The following SUPT3H variants were observed in gnomAD, a reference collection of about 807,000 sequenced individuals.
SUPT3H encodes transcription initiation protein SPT3 homolog.
Under a neutral mutation model 44.3 loss-of-function variants are expected in SUPT3H, and 44 were observed. The observed-to-expected ratio is 0.99, with a 90% confidence interval of 0.78 to 1.28. SUPT3H has a LOEUF of 1.28. Ranked by LOEUF, SUPT3H falls within the 50% of genes most tolerant of loss-of-function variation. SUPT3H has a pLI of 0.00. For missense variants in SUPT3H, 380 were observed against 387.1 expected (o/e 0.98, Z 0.15); for synonymous variants, 124 against 125.6 (o/e 0.99, Z 0.09).
intron 10 of SUPT3H, among the ~76,000 whole-genome samples, chr6:44,918,028 G>A (rs992384928): frequency 1.3e-5 from 2 of 152,078 alleles, no homozygotes; most frequent in African/African-American, 4.8e-5. Flanking sequence ...GGTAACCTGT[G>A]ACATTAAGTT....
chr6:45,227,883 G>T (rs1024266717), intron 2 of SUPT3H, among the ~76,000 whole-genome samples: 1 of 152,112 alleles, frequency 6.6e-6, no homozygotes, highest in African/African-American at 2.4e-5. Context: ...AGTAAAGCTT[G>T]CTGAGAGTGA....
chr6:45,287,594 G>T (rs1393249516), intron 2 of SUPT3H, among the ~76,000 whole-genome samples: 1 of 152,176 alleles, frequency 6.6e-6, no homozygotes, highest in East Asian at 1.9e-4. Flanking sequence ...AATGCTGTTT[G>T]CCAGGGACTG....
intron 3 of SUPT3H, among the ~76,000 whole-genome samples, chr6:45,092,856 T>C (rs73737880): frequency 1.4e-4 from 21 of 152,208 alleles, no homozygotes; most frequent in Admixed American, 6.5e-4. Flanking sequence ...CATAACAACT[T>C]ACTAGAGAAG....
At chr6:45,288,847 C>T (rs188140668) in intron 2 of SUPT3H, among the ~76,000 whole-genome samples, 1 of 151,840 alleles carries the variant, frequency 6.6e-6, no homozygotes, top group Non-Finnish European at 1.5e-5. Context: ...ACTTTTTGCC[C>T]ATCCTCTGTC....
chr6:44,915,902 C>T (rs954386576), intron 10 of SUPT3H, among the ~76,000 whole-genome samples: 1 of 152,162 alleles, frequency 6.6e-6, no homozygotes, highest in Non-Finnish European at 1.5e-5. Flanking sequence ...CCACCTTGGA[C>T]ATATGTTCTC....
chr6:44,934,188 G>C (rs1771046599), intron 9 of SUPT3H, among the ~76,000 whole-genome samples: 1 of 151,986 alleles, frequency 6.6e-6, no homozygotes, highest in Admixed American at 6.6e-5. Context: ...TAACTCTATA[G>C]ATAGCAACCT....
chr6:45,036,341 T>C (rs1239191814), intron 3 of SUPT3H, among the ~76,000 whole-genome samples: 1 of 151,900 alleles, frequency 6.6e-6, no homozygotes, highest in East Asian at 1.9e-4. Context: ...CTTGAACATG[T>C]TGGAGGAAAG....
intron 2 of SUPT3H, among the ~76,000 whole-genome samples, chr6:45,348,940 A>T (rs1386321608): frequency 1.3e-5 from 2 of 152,146 alleles, no homozygotes; most frequent in Non-Finnish European, 2.9e-5. Flanking sequence ...ACAATTTATA[A>T]TTATTTATTT....
intron 10 of SUPT3H, among the ~76,000 whole-genome samples, chr6:44,917,044 T>A (rs1767923020): frequency 6.6e-6 from 1 of 151,950 alleles, no homozygotes; most frequent in Non-Finnish European, 1.5e-5. Flanking sequence ...GTCCCAGCTA[T>A]TTGGGAGGCT....
intron 2 of SUPT3H, among the ~76,000 whole-genome samples, chr6:45,123,054 C>T (rs1483780040): frequency 6.6e-6 from 1 of 152,134 alleles, no homozygotes; most frequent in African/African-American, 2.4e-5. Context: ...GTCCTATTTT[C>T]TTTATTGGGT....
At chr6:45,216,155 G>A (rs913382703) in intron 2 of SUPT3H, among the ~76,000 whole-genome samples, 2 of 151,918 alleles carry the variant, frequency 1.3e-5, no homozygotes, top group Non-Finnish European at 2.9e-5. Context: ...ATCATGACTA[G>A]ACCGAACTTA....
intron 6 of SUPT3H, among the ~76,000 whole-genome samples, chr6:44,984,109 G>T (rs1439600696): frequency 7.2e-5 from 11 of 152,096 alleles, no homozygotes; most frequent in Non-Finnish European, 5.9e-5. Flanking sequence ...CTCCATCTCC[G>T]CAAGGTTGCC....
chr6:44,990,239 A>G (rs550574781), intron 6 of SUPT3H, among the ~76,000 whole-genome samples: 8 of 151,984 alleles, frequency 5.3e-5, no homozygotes, highest in Non-Finnish European at 5.9e-5. Flanking sequence ...TGAAGAGACT[A>G]TCCTTTCCCC....
At chr6:45,264,214 C>T (rs975081038) in intron 2 of SUPT3H, among the ~76,000 whole-genome samples, 3 of 152,086 alleles carry the variant, frequency 2.0e-5, no homozygotes, top group African/African-American at 7.2e-5. Flanking sequence ...ATTTAAAAAA[C>T]TGATTGGATC....
At chr6:44,928,662 G>A (rs989248954) in intron 10 of SUPT3H, among the ~76,000 whole-genome samples, 1 of 151,618 alleles carries the variant, frequency 6.6e-6, no homozygotes. Context: ...TTGGGAGGCC[G>A]AGGCGGGCGG....
chr6:44,843,939 AC>A (rs774628231), intron 10 of SUPT3H, among the ~76,000 whole-genome samples: 2,677 of 150,968 alleles, frequency 0.018, 42 homozygotes, highest in South Asian at 0.039. Flanking sequence ...ACACACACAC[AC>A]ACACACACAC....
At chr6:45,064,259 T>G (rs1385796159) in intron 3 of SUPT3H, among the ~76,000 whole-genome samples, 14 of 146,364 alleles carry the variant, frequency 9.6e-5, no homozygotes, top group African/African-American at 3.6e-4. Context: ...AAGCAAATGC[T>G]GAGAGATTTT....
At chr6:45,154,087 A>AAAAAAAAAAAACAAAAC (rs70996303) in intron 2 of SUPT3H, among the ~76,000 whole-genome samples, 3 of 114,592 alleles carry the variant, frequency 2.6e-5, no homozygotes, top group Non-Finnish European at 1.8e-5. Context: ...AAAAAAAAAA[A>AAAAAAAAAAAACAAAAC]AGCGCTTAGT....
At chr6:45,355,661 T>C (rs1040529234) in intron 2 of SUPT3H, among the ~76,000 whole-genome samples, 3 of 152,282 alleles carry the variant, frequency 2.0e-5, no homozygotes, top group East Asian at 3.9e-4. Flanking sequence ...TGAAGTTTTA[T>C]TTCTATTAAA....
Sources: allele counts gnomAD v4.1 joint callset (sites outside exome capture counted in the v4.1 genomes callset), GRCh38; gene constraint gnomAD v4.1.1; transcripts MANE v1.5; gene names NCBI Gene and HGNC (gene_info 2026-07-23, HGNC 2026-07-21).